IL7: variants seen among roughly 807,000 people sequenced by gnomAD.
The protein encoded by IL7 is interleukin 7, also known as interleukin-7.
IL7 carries 3 observed loss-of-function variants against 21.6 expected under a neutral mutation model. That is an observed-to-expected ratio of 0.14 (90% CI 0.06 to 0.36). The LOEUF (loss-of-function observed/expected upper bound fraction) is 0.36. Among genes scored for constraint, IL7 ranks in the 10% least tolerant of loss-of-function variants. IL7 has a pLI of 1.00. For missense variants in IL7, 175 were observed against 200.2 expected, an observed-to-expected ratio of 0.87 and a Z score of 0.76; for synonymous variants, 62 against 68.1, an observed-to-expected ratio of 0.91 and a Z score of 0.44.
chr8:78,800,247 A>C (rs1814007089), intron 1 of IL7, among the ~76,000 whole-genome samples: 1 of 152,078 alleles, frequency 6.6e-6, no homozygotes, highest in Non-Finnish European at 1.5e-5. Flanking sequence ...AGACGACTTA[A>C]CTCTTATGGC....
intron 2 of IL7, among the ~76,000 whole-genome samples, chr8:78,745,188 T>C (rs1271487023): frequency 6.6e-6 from 1 of 152,264 alleles, no homozygotes; most frequent in Non-Finnish European, 1.5e-5. Flanking sequence ...TCTTCTTTAA[T>C]TTCAGCATAG....
At chr8:78,698,886 A>C (rs1413561107) in intron 3 of IL7, among the ~76,000 whole-genome samples, 1 of 152,216 alleles carries the variant, frequency 6.6e-6, no homozygotes, top group Non-Finnish European at 1.5e-5. Context: ...CTTCATAATC[A>C]AGAGAAAAGA....
chr8:78,745,063 CTT>C (rs1403923878), intron 2 of IL7, among the ~76,000 whole-genome samples: 1 of 152,238 alleles, frequency 6.6e-6, no homozygotes, highest in African/African-American at 2.4e-5. Flanking sequence ...TTTTGTCCCT[CTT>C]TGTGAGAGCC....
chr8:78,779,167 T>C (rs1010792077), intron 2 of IL7, among the ~76,000 whole-genome samples: 3 of 152,200 alleles, frequency 2.0e-5, no homozygotes, highest in Non-Finnish European at 4.4e-5. Flanking sequence ...GTTTTCTAGA[T>C]ATAAAATCAC....
intron 4 of IL7, among the ~76,000 whole-genome samples, chr8:78,677,903 AT>A (rs1391187431): frequency 6.6e-6 from 1 of 152,132 alleles, no homozygotes; most frequent in Non-Finnish European, 1.5e-5. Context: ...GCCCACTTTT[AT>A]GGTTATTTCT....
At chr8:78,797,277 G>A (rs1397740339) in intron 2 of IL7, among the ~76,000 whole-genome samples, 2 of 151,860 alleles carry the variant, frequency 1.3e-5, no homozygotes, top group Non-Finnish European at 2.9e-5. Context: ...ATGAGTCGGT[G>A]GATAGGAGAT....
chr8:78,698,654 A>C (rs1341612293), intron 3 of IL7: 6 of 534,734 alleles, frequency 1.1e-5, no homozygotes, highest in African/African-American at 3.9e-5. Flanking sequence ...TCAGGAGCAC[A>C]CTCACTGCTG....
chr8:78,760,921 C>T (rs1279196640), intron 2 of IL7: 8 of 1,557,592 alleles, frequency 5.1e-6, no homozygotes, highest in Admixed American at 2.0e-5. Context: ...CAGAGGTTTG[C>T]CCCTGGAGGT....
chr8:78,711,924 A>T (rs1423353035), intron 3 of IL7: 5 of 1,034,244 alleles, frequency 4.8e-6, no homozygotes, highest in African/African-American at 1.7e-5. Context: ...AATGTCTTTT[A>T]AAAAAACTTT....
At chr8:78,804,868 C>T in intron 1 of IL7, 45 bp downstream of exon 1, 4 of 1,610,944 alleles carry the variant, frequency 2.5e-6, no homozygotes, top group South Asian at 1.1e-5. Flanking sequence ...ATTGCCCCGG[C>T]GCGTCGGGCG....
At chr8:78,683,121 G>T (rs1006825049) in intron 4 of IL7, among the ~76,000 whole-genome samples, 9 of 152,220 alleles carry the variant, frequency 5.9e-5, no homozygotes, top group Non-Finnish European at 1.2e-4. Context: ...GGCATTGAGT[G>T]TCTGCAACTT....
rs1208063198 is a variant in IL7, at chr8:78,733,191, G to C, written c.*522C>G. The C allele has an allele frequency of 6.6e-6, 1 of 151,954 alleles. No individual in the cohort carries two copies. Among genetic ancestry groups the C allele is most frequent in the Non-Finnish European group, 1.5e-5 (1 of 68,036 alleles). The allele number at this position is 151,954 out of a possible 1,614,324, so 9.4% of individuals were successfully genotyped here. Reference sequence around the variant, plus strand: ...CCTTGTTATGCTGTTGCTTACTTAAGGTTTATGACTCTCTTATTCTCACCG... The same window carrying C: ...CCTTGTTATGCTGTTGCTTACTTAACGTTTATGACTCTCTTATTCTCACCG... On this transcript the variant is annotated 3_prime_UTR_variant, in exon 6 of 6. Transcript: ENST00000263851.
In IL7 at chr8:78,706,312, G is replaced by A. The variant is rs553766037; in HGVS notation, n.214+15036C>T. ...AGCCTTTTTTCCTAAGGGTATGTACGGGGGTCTAACATCCTGCTTTGCTGG... is the reference window on the plus strand; with the variant it reads ...AGCCTTTTTTCCTAAGGGTATGTACAGGGGTCTAACATCCTGCTTTGCTGG... On this transcript the variant is annotated intron_variant and non_coding_transcript_variant, in intron 3 of 4. Coordinates refer to the IL7 transcript ENST00000523959. 2.0e-4 allele frequency among the ~76,000 whole-genome samples: 31 copies of A among 152,222 alleles called. No individual in the cohort carries two copies. In the East Asian group the frequency reaches 3.7e-3, roughly 18 times the overall value.
intron 4 of IL7, among the ~76,000 whole-genome samples, chr8:78,738,064 A>G (rs1368678448): frequency 6.6e-6 from 1 of 152,140 alleles, no homozygotes; most frequent in Non-Finnish European, 1.5e-5. Flanking sequence ...AAAGAAGGGA[A>G]AATTGTTGGA....
intron 3 of IL7, among the ~76,000 whole-genome samples, chr8:78,696,435 T>C (rs112930496): frequency 3.3e-4 from 50 of 152,224 alleles, no homozygotes; most frequent in African/African-American, 1.2e-3. Context: ...AGCATTGGGC[T>C]AGAACCAGCA....
chr8:78,794,201 A>G (rs1005130371), intron 2 of IL7, among the ~76,000 whole-genome samples: 10 of 152,122 alleles, frequency 6.6e-5, no homozygotes, highest in African/African-American at 2.2e-4. Context: ...AGAACAATGA[A>G]TGCTGTTCAC....
intron 2 of IL7, among the ~76,000 whole-genome samples, chr8:78,794,705 CT>C (rs1177380107): frequency 4.6e-5 from 7 of 152,088 alleles, no homozygotes; most frequent in African/African-American, 1.7e-4. Flanking sequence ...CCATTTACAT[CT>C]TTTTGTTTCT....
downstream of IL7, among the ~76,000 whole-genome samples, chr8:78,728,597 A>G (rs1195026013): frequency 1.3e-5 from 2 of 152,110 alleles, no homozygotes; most frequent in African/African-American, 2.4e-5. Flanking sequence ...TACACATTTT[A>G]TGTCTCATAC....
At chr8:78,798,043 A>G in intron 2 of IL7, 29 bp downstream of exon 2, 1 of 1,563,756 alleles carries the variant, frequency 6.4e-7, no homozygotes, top group South Asian at 1.2e-5. Context: ...AATGCATGAA[A>G]ATGTGAGTAA....
Sources: gnomAD v4.1 joint callset for allele counts (sites outside exome capture counted in the v4.1 genomes callset) on GRCh38, gnomAD v4.1.1 for gene constraint, MANE v1.5 for transcripts, NCBI Gene and HGNC (gene_info 2026-07-23, HGNC 2026-07-21) for gene names.